Variants in COBL observed in about 807,000 individuals in gnomAD.
The protein encoded by COBL is cordon-bleu WH2 repeat protein.
Under a neutral mutation model 98.8 loss-of-function variants are expected in COBL, and 51 were observed. The observed-to-expected ratio is 0.52, with a 90% CI of 0.41 to 0.65. The LOEUF (loss-of-function observed/expected upper bound fraction) is 0.65, where lower values mean the gene tolerates loss of function less well. COBL is among the 30% of genes least tolerant of loss of function. COBL has a pLI of 0.00. For missense variants in COBL, 1,617 were observed against 1,617.5 expected (o/e 1.00, Z 0.01); for synonymous variants, 634 against 651.7 (o/e 0.97, Z 0.41).
intron 6 of COBL, among the ~76,000 whole-genome samples, chr7:51,111,913 C>T (rs987947090): frequency 6.6e-6 from 1 of 152,188 alleles, no homozygotes. Flanking sequence ...ATTTATTTTA[C>T]TCTCTTAACA....
intron 1 of COBL, among the ~76,000 whole-genome samples, chr7:51,302,816 G>A (rs979813337): frequency 6.6e-6 from 1 of 152,054 alleles, no homozygotes; most frequent in Non-Finnish European, 1.5e-5. Context: ...AGTTTTACTC[G>A]CTGATAATAA....
At chr7:51,049,924 T>G (rs1451746540) in intron 7 of COBL, among the ~76,000 whole-genome samples, 1 of 152,178 alleles carries the variant, frequency 6.6e-6, no homozygotes, top group Non-Finnish European at 1.5e-5. Context: ...TGTTCCCCTC[T>G]TTTTCTCTAA....
chr7:51,130,169 C>T (rs1197021142), intron 6 of COBL, among the ~76,000 whole-genome samples: 2 of 152,078 alleles, frequency 1.3e-5, no homozygotes, highest in African/African-American at 2.4e-5. Context: ...CTGGGTGAGC[C>T]CAGATGATCC....
At chr7:51,111,668 C>A (rs565959074) in intron 6 of COBL, among the ~76,000 whole-genome samples, 1 of 152,272 alleles carries the variant, frequency 6.6e-6, no homozygotes, top group Admixed American at 6.5e-5. Flanking sequence ...GCTGCCTCTC[C>A]CCCGTGCCTG....
chr7:51,189,984 G>A (rs1789939083), intron 4 of COBL, among the ~76,000 whole-genome samples: 1 of 152,158 alleles, frequency 6.6e-6, no homozygotes, highest in Non-Finnish European at 1.5e-5. Context: ...TCTAACTGTG[G>A]CCTCATACTA....
intron 1 of COBL, among the ~76,000 whole-genome samples, chr7:51,266,565 C>T (rs374468092): frequency 6.6e-5 from 10 of 152,128 alleles, no homozygotes; most frequent in Non-Finnish European, 1.5e-4. Flanking sequence ...GCAACAAGAG[C>T]GAGACTCCAT....
intron 6 of COBL, among the ~76,000 whole-genome samples, chr7:51,099,079 G>T (rs1441650106): frequency 6.7e-6 from 1 of 149,482 alleles, no homozygotes; most frequent in Non-Finnish European, 1.5e-5. Context: ...CTTCCACTAG[G>T]ATGGCCACTA....
intron 1 of COBL, among the ~76,000 whole-genome samples, chr7:51,269,555 G>A (rs1363470918): frequency 1.3e-5 from 2 of 152,230 alleles, no homozygotes; most frequent in African/African-American, 4.8e-5. Flanking sequence ...TGGGCTCCAT[G>A]TCACAGCCCT....
Position 51,028,726 on chromosome 7 carries a change from T to C in COBL, c.2370A>G (p.Gly790=), listed in dbSNP as rs773613406. ...LGRPSESSAR[G]PPSTPVPTQT... ...GCGTGGGCACAGGGGTGGAGGGGGG[T>C]CCCCTGGCAGAGCTCTCTGAGGGTC... The change falls in exon 10 of 13, where the codon GGA becomes GGG. Residue 790 remains glycine (G), a synonymous_variant. Transcript: ENST00000265136. 1.2e-6 allele frequency: 2 copies of C among 1,613,744 alleles called. No homozygotes were observed. Among genetic ancestry groups the C allele is most frequent in the East Asian group, 2.2e-5 (1 of 44,832 alleles).
chr7:51,107,934 A>G (rs1256123763), intron 6 of COBL, among the ~76,000 whole-genome samples: 1 of 152,188 alleles, frequency 6.6e-6, no homozygotes, highest in East Asian at 1.9e-4. Flanking sequence ...AGCAGCCACC[A>G]CTTCCCACTG....
chr7:51,017,987 T>C (rs1274027970), intron 12 of COBL, among the ~76,000 whole-genome samples: 1 of 152,222 alleles, frequency 6.6e-6, no homozygotes, highest in Non-Finnish European at 1.5e-5. Context: ...TTCTTCATCT[T>C]TATATTGGAG....
chr7:51,184,917 G>A (rs1011904169), intron 4 of COBL, among the ~76,000 whole-genome samples: 1 of 152,216 alleles, frequency 6.6e-6, no homozygotes, highest in Non-Finnish European at 1.5e-5. Flanking sequence ...GGGCTCCCCA[G>A]GTGGTATTTG....
At chr7:51,264,672 C>CAAA (rs5884201) in intron 1 of COBL, among the ~76,000 whole-genome samples, 46 of 48,346 alleles carry the variant, frequency 9.5e-4, no homozygotes, top group East Asian at 1.9e-3. Flanking sequence ...CTCCATCTCC[C>CAAA]AAAAAAAAAA....
intron 7 of COBL, among the ~76,000 whole-genome samples, chr7:51,079,385 C>T (rs1334025188): frequency 6.6e-6 from 1 of 152,158 alleles, no homozygotes. Flanking sequence ...TAGCACATTC[C>T]ACTATAATTT....
Position 51,077,053 on chromosome 7 carries a change from G to A in COBL, c.1096+8113C>T, listed in dbSNP as rs554201065. 2.6e-5 allele frequency among the ~76,000 whole-genome samples: 4 copies of A among 152,264 alleles called. No individual in the cohort carries two copies. In the East Asian group the frequency reaches 5.8e-4, roughly 22 times the overall value. On this transcript the variant is annotated intron_variant, in intron 7 of 12. Coordinates refer to ENST00000265136, the MANE Select transcript of COBL (RefSeq NM_015198.5). Reference sequence around the variant, plus strand: ...CACTAAGGGAATAGGCTCCATTATGGTGATTCACAATGAAGGTTCAACTGA... The same window carrying A: ...CACTAAGGGAATAGGCTCCATTATGATGATTCACAATGAAGGTTCAACTGA...
intron 1 of COBL, among the ~76,000 whole-genome samples, chr7:51,286,379 A>G (rs1251011560): frequency 6.6e-6 from 1 of 151,760 alleles, no homozygotes; most frequent in East Asian, 1.9e-4. Context: ...CTGTATCCAC[A>G]TTATATAAAG....
At chr7:51,051,279 C>A (rs192918062) in intron 7 of COBL, among the ~76,000 whole-genome samples, 25 of 152,132 alleles carry the variant, frequency 1.6e-4, no homozygotes, top group African/African-American at 5.8e-4. Context: ...ATATATAATC[C>A]CTCTCTAGAA....
chr7:51,195,806 T>C (rs1031266219), intron 2 of COBL, among the ~76,000 whole-genome samples: 2 of 152,218 alleles, frequency 1.3e-5, no homozygotes, highest in Admixed American at 6.5e-5. Flanking sequence ...TTAACTGTTA[T>C]TGGTTTTTAG....
chr7:51,170,003 C>A (rs1164622728), intron 5 of COBL, among the ~76,000 whole-genome samples: 3 of 151,930 alleles, frequency 2.0e-5, no homozygotes, highest in Non-Finnish European at 4.4e-5. Context: ...ATTAAAAAAA[C>A]AAATTTATCA....
Sources: gnomAD v4.1 joint callset for allele counts (sites outside exome capture counted in the v4.1 genomes callset) on GRCh38, gnomAD v4.1.1 for gene constraint, MANE v1.5 for transcripts, NCBI Gene and HGNC (gene_info 2026-07-23, HGNC 2026-07-21) for gene names.